The following ARHGAP18 variants were observed in gnomAD, a reference collection of about 807,000 sequenced individuals.
The protein encoded by ARHGAP18 is rho GTPase-activating protein 18.
Under a neutral mutation model 86.2 loss-of-function variants are expected in ARHGAP18, and 67 were observed. That is an observed-to-expected ratio of 0.78 (90% CI 0.64 to 0.95). The LOEUF is 0.95. Ranked by LOEUF, ARHGAP18 falls within the 40% of genes least tolerant of loss-of-function variation. ARHGAP18 has a pLI of 0.00. For synonymous variants in ARHGAP18, 283 were observed against 280.4 expected (o/e 1.01, Z -0.09); for missense variants, 691 against 780.4 (o/e 0.89, Z 1.37).
intron 1 of ARHGAP18, among the ~76,000 whole-genome samples, chr6:129,645,828 T>C (rs1029130527): frequency 2.0e-4 from 30 of 152,224 alleles, no homozygotes; most frequent in Non-Finnish European, 5.9e-5. Flanking sequence ...TGGGCCTTCC[T>C]GGAATCTTCT....
rs541143594 is a variant in ARHGAP18, at chr6:129,705,592, CA to C, written c.113+4431del. Among the ~76,000 whole-genome samples the C allele has an allele frequency of 3.9e-5, 6 of 152,272 alleles. No individual in the cohort carries two copies. The South Asian group carries it at 1.2e-3, about 32-fold the overall frequency. ...ATTCTCAAATATGTCATTTTTTAAG[CA>C]TATGGATAATGCCCATGTTTCTTAA... is the stretch of plus-strand genomic sequence containing the variant. On this transcript the variant is annotated intron_variant, in intron 1 of 14. Coordinates refer to ENST00000368149, the MANE Select transcript of ARHGAP18 (RefSeq NM_033515.3).
intron 5 of ARHGAP18, among the ~76,000 whole-genome samples, chr6:129,624,962 A>G (rs1363374035): frequency 2.3e-5 from 3 of 130,450 alleles, no homozygotes; most frequent in East Asian, 2.0e-4. Flanking sequence ...ATATATATAT[A>G]TGATATATAT....
chr6:129,598,870 C>G (rs896822486), intron 12 of ARHGAP18: 32 of 157,966 alleles, frequency 2.0e-4, no homozygotes, highest in African/African-American at 7.7e-4. Context: ...TATTTACTCA[C>G]TATAGATTAT....
intron 5 of ARHGAP18, among the ~76,000 whole-genome samples, chr6:129,625,029 ATATATATT>A (rs1789321099): frequency 1.3e-5 from 1 of 74,886 alleles, no homozygotes; most frequent in African/African-American, 7.5e-5. Context: ...ATGATATATG[ATATATATT>A]TATATAATAT....
chr6:129,599,898 T>C (rs1346875984), intron 11 of ARHGAP18, among the ~76,000 whole-genome samples: 1 of 152,154 alleles, frequency 6.6e-6, no homozygotes, highest in Non-Finnish European at 1.5e-5. Flanking sequence ...AATGTAACCA[T>C]GAAATAATTT....
chr6:129,709,952 C>T, intron 1 of ARHGAP18, 72 bp downstream of exon 1: 1 of 1,277,188 alleles, frequency 7.8e-7, no homozygotes, highest in Non-Finnish European at 1.1e-6. Context: ...CTCCCCACGC[C>T]AACTTCCCTG....
At chr6:129,707,694 G>A (rs1056169724) in intron 1 of ARHGAP18, among the ~76,000 whole-genome samples, 6 of 150,868 alleles carry the variant, frequency 4.0e-5, no homozygotes, top group African/African-American at 9.7e-5. Flanking sequence ...TGTGGGGGCG[G>A]GGGTCTTTTT....
chr6:129,633,581 C>A (rs1773263660), intron 4 of ARHGAP18, among the ~76,000 whole-genome samples: 1 of 151,972 alleles, frequency 6.6e-6, no homozygotes, highest in South Asian at 2.1e-4. Flanking sequence ...AGTTTTCCTA[C>A]AATATCTAAA....
chr6:129,606,127 A>C (rs771912347), intron 9 of ARHGAP18, among the ~76,000 whole-genome samples, 168 bp from the exon 10 acceptor site: 26 of 152,242 alleles, frequency 1.7e-4, no homozygotes, highest in Non-Finnish European at 3.2e-4. Flanking sequence ...GTGGGAGATC[A>C]GCAGAAGCAG....
At position 129,594,131 on chromosome 6, in the gene ARHGAP18, C is replaced by T. The variant is rs1166476301; in HGVS notation, c.1713+5085G>A. 1.3e-5 allele frequency among the ~76,000 whole-genome samples: 2 copies of T among 152,094 alleles called. 1 individual carries two copies. Among genetic ancestry groups the T allele is most frequent in the South Asian group, 4.1e-4 (2 of 4,830 alleles). On this transcript the variant is annotated intron_variant, in intron 12 of 14. Transcript: ENST00000368149. ...GAGTCAAAGCCTCTTAAAAATATTACCTTGAAGAATGTTTATGATCTATAG... is the reference window on the plus strand; with the variant it reads ...GAGTCAAAGCCTCTTAAAAATATTATCTTGAAGAATGTTTATGATCTATAG...
At chr6:129,583,767 A>G (rs909686376) in intron 13 of ARHGAP18, among the ~76,000 whole-genome samples, 2 of 152,072 alleles carry the variant, frequency 1.3e-5, no homozygotes, top group South Asian at 2.1e-4. Flanking sequence ...ATCAGGCTCA[A>G]TCTGAACACA....
At chr6:129,648,009 T>C (rs377293427) in intron 1 of ARHGAP18, among the ~76,000 whole-genome samples, 11 of 152,326 alleles carry the variant, frequency 7.2e-5, no homozygotes, top group East Asian at 5.8e-4. Flanking sequence ...TGAGTTTGTA[T>C]TGCGTATAGC....
chr6:129,690,448 A>C (rs991345754), intron 1 of ARHGAP18, among the ~76,000 whole-genome samples: 30 of 152,360 alleles, frequency 2.0e-4, no homozygotes, highest in African/African-American at 6.7e-4. Context: ...AAAATGATTC[A>C]TGTTGCAAAT....
rs759579799 is a variant in ARHGAP18, at chr6:129,638,550, T to C, written c.396A>G (p.Glu132=). The C allele has an allele frequency of 1.9e-6, 3 of 1,614,176 alleles. No homozygotes were observed. The highest frequency in any genetic ancestry group is 2.5e-6 in the Non-Finnish European group (3 of 1,180,016). Reference sequence around the variant, plus strand: ...TCAATGTTGATAAAAACACAATGCTTTCCTGTGGATCTCCAGCAGACTCTC... The same window carrying C: ...TCAATGTTGATAAAAACACAATGCTCTCCTGTGGATCTCCAGCAGACTCTC... ...LFGESAGDPQ[E]SIVFLSTLTR... is the part of the protein sequence containing the mutation. The change falls in exon 3 of 15, where the codon GAA becomes GAG. Residue 132 remains glutamate (E), a synonymous_variant. Coordinates refer to ENST00000368149, the MANE Select transcript of ARHGAP18 (RefSeq NM_033515.3).
chr6:129,608,115 T>C, intron 8 of ARHGAP18, 63 bp from the exon 9 acceptor site: 1 of 1,485,058 alleles, frequency 6.7e-7, no homozygotes, highest in Admixed American at 2.5e-5. Flanking sequence ...TTTTTTTTCT[T>C]GCTGAGAGTA....
chr6:129,643,917 T>A (rs75181593), intron 1 of ARHGAP18, among the ~76,000 whole-genome samples: 3,333 of 152,318 alleles, frequency 0.022, 42 homozygotes, highest in Middle Eastern at 0.054. Flanking sequence ...GGAACTTAAT[T>A]GTTTATTGCT....
At chr6:129,594,472 CTT>C (rs1172793912) in intron 12 of ARHGAP18, among the ~76,000 whole-genome samples, 1 of 152,166 alleles carries the variant, frequency 6.6e-6, no homozygotes, top group East Asian at 1.9e-4. Flanking sequence ...CTCTTTGTCT[CTT>C]TATTTTCTTA....
rs759831513 is a variant in ARHGAP18 at position 129,583,970 on chromosome 6, C to T, written c.1838+18G>A. 6.8e-6 allele frequency: 11 copies of T among 1,606,592 alleles called. No individual in the cohort carries two copies. In the Middle Eastern group the frequency reaches 8.3e-4, roughly 121 times the overall value. Reference sequence around the variant, plus strand: ...GTGACTTATGCCATGGCATAATTAACACAAAACAGGCCTCTACCTTTCTTG... The same window carrying T: ...GTGACTTATGCCATGGCATAATTAATACAAAACAGGCCTCTACCTTTCTTG... On this transcript the variant is annotated intron_variant, in intron 13 of 14. Coordinates refer to ENST00000368149, the MANE Select transcript of ARHGAP18 (RefSeq NM_033515.3).
intron 5 of ARHGAP18, among the ~76,000 whole-genome samples, chr6:129,624,975 A>ATATGATATATGATATATATT (rs1789312757): frequency 9.2e-6 from 1 of 109,164 alleles, no homozygotes; most frequent in African/African-American, 3.4e-5. Context: ...ATATATATTT[A>ATATGATATATGATATATATT]TATATAATAT....
Sources: gnomAD v4.1 joint callset for allele counts (sites outside exome capture counted in the v4.1 genomes callset) on GRCh38, gnomAD v4.1.1 for gene constraint, MANE v1.5 for transcripts, NCBI Gene and HGNC (gene_info 2026-07-23, HGNC 2026-07-21) for gene names.